Variants in SOX5 observed in about 807,000 individuals in gnomAD.
SOX5 encodes the protein transcription factor SOX-5.
In SOX5, 9 loss-of-function variants were observed where a neutral mutation model predicts 92.0. The ratio of observed to expected loss-of-function variants is 0.10; its 90% CI spans 0.06 to 0.17. SOX5 has a LOEUF of 0.17. Ranked by LOEUF, SOX5 falls within the 10% of genes least tolerant of loss-of-function variation. The pLI is 1.00. For missense variants in SOX5, 642 were observed against 944.5 expected (o/e 0.68, Z 4.20); for synonymous variants, 344 against 336.3 (o/e 1.02, Z -0.25).
chr12:23,857,727 TTTTC>T (rs1374370582), intron 2 of SOX5, among the ~76,000 whole-genome samples: 1 of 150,456 alleles, frequency 6.6e-6, no homozygotes. Flanking sequence ...TTAGGAAGTT[TTTTC>T]TTTCTTTTTT....
intron 2 of SOX5, among the ~76,000 whole-genome samples, chr12:23,870,329 A>G (rs991460750): frequency 8.5e-5 from 13 of 152,126 alleles, no homozygotes; most frequent in Admixed American, 5.2e-4. Flanking sequence ...ATTCAACTAG[A>G]ACATTATAGG....
At chr12:23,917,959 T>C (rs1375474572) in intron 1 of SOX5, among the ~76,000 whole-genome samples, 1 of 152,172 alleles carries the variant, frequency 6.6e-6, no homozygotes, top group African/African-American at 2.4e-5. Context: ...TAATTCTTCA[T>C]GATATGGTAA....
chr12:24,338,318 A>T (rs1348876321), intron 2 of SOX5, among the ~76,000 whole-genome samples: 2 of 152,018 alleles, frequency 1.3e-5, no homozygotes, highest in Non-Finnish European at 2.9e-5. Context: ...ACGATGTGTT[A>T]AAAATGCTAA....
At chr12:23,825,520 G>T (rs1568095339) in intron 3 of SOX5, among the ~76,000 whole-genome samples, 1 of 152,146 alleles carries the variant, frequency 6.6e-6, no homozygotes, top group Non-Finnish European at 1.5e-5. Context: ...TTCCTATTCG[G>T]CCATCTTGCC....
intron 4 of SOX5, among the ~76,000 whole-genome samples, chr12:24,127,018 C>T (rs1239234793): frequency 2.0e-5 from 3 of 151,972 alleles, no homozygotes; most frequent in Admixed American, 6.6e-5. Flanking sequence ...ATAATTAGTA[C>T]ATACTACAAA....
intron 4 of SOX5, among the ~76,000 whole-genome samples, chr12:24,109,715 A>G (rs1353984726): frequency 6.6e-6 from 1 of 152,254 alleles, no homozygotes; most frequent in Non-Finnish European, 1.5e-5. Context: ...AATTAGTTTT[A>G]AACAACAACA....
intron 4 of SOX5, among the ~76,000 whole-genome samples, chr12:24,118,040 A>AAG (rs1948235499): frequency 7.7e-6 from 1 of 129,982 alleles, no homozygotes; most frequent in African/African-American, 3.0e-5. Flanking sequence ...AAAAAAAAAG[A>AAG]AAAAAAAAAT....
intron 6 of SOX5, among the ~76,000 whole-genome samples, chr12:23,723,713 G>T (rs1320270534): frequency 6.6e-6 from 1 of 151,538 alleles, no homozygotes; most frequent in Non-Finnish European, 1.5e-5. Context: ...ATGTATGTAT[G>T]AATACACATA....
At chr12:23,689,093 C>G (rs905857426) in intron 6 of SOX5, among the ~76,000 whole-genome samples, 1 of 152,060 alleles carries the variant, frequency 6.6e-6, no homozygotes, top group African/African-American at 2.4e-5. Context: ...ACATATCTAA[C>G]GGTCACTACT....
intron 3 of SOX5, among the ~76,000 whole-genome samples, chr12:23,783,899 A>T (rs1169674271): frequency 6.6e-6 from 1 of 152,172 alleles, no homozygotes; most frequent in East Asian, 1.9e-4. Flanking sequence ...CTGGCAATAA[A>T]CAAGTTGGGC....
At chr12:24,145,182 A>G (rs1453021483) in intron 4 of SOX5, among the ~76,000 whole-genome samples, 1 of 152,206 alleles carries the variant, frequency 6.6e-6, no homozygotes, top group African/African-American at 2.4e-5. Context: ...AAGCAATGCT[A>G]TGACAACAAA....
At chr12:24,041,551 A>C (rs1054542489) in intron 4 of SOX5, among the ~76,000 whole-genome samples, 1 of 152,196 alleles carries the variant, frequency 6.6e-6, no homozygotes, top group Non-Finnish European at 1.5e-5. Context: ...TAAAGTCCTT[A>C]AACCGCTTAC....
chr12:23,875,163 G>A (rs1410877292), intron 2 of SOX5, among the ~76,000 whole-genome samples: 1 of 152,146 alleles, frequency 6.6e-6, no homozygotes, highest in Non-Finnish European at 1.5e-5. Context: ...CTCTGTGGAA[G>A]TAAAACTAAT....
intron 4 of SOX5, among the ~76,000 whole-genome samples, chr12:23,973,964 T>C (rs1315420374): frequency 6.6e-6 from 1 of 152,110 alleles, no homozygotes; most frequent in Non-Finnish European, 1.5e-5. Flanking sequence ...GAATAAAAAA[T>C]TGTCTTCCAC....
At chr12:24,033,489 A>G (rs1027379451) in intron 4 of SOX5, among the ~76,000 whole-genome samples, 43 of 152,004 alleles carry the variant, frequency 2.8e-4, no homozygotes, top group African/African-American at 9.7e-4. Flanking sequence ...CAGTTCCACA[A>G]TGCTATTTTT....
chr12:23,711,922 C>A (rs534903120), intron 6 of SOX5, among the ~76,000 whole-genome samples: 1 of 152,104 alleles, frequency 6.6e-6, no homozygotes, highest in African/African-American at 2.4e-5. Context: ...AGCTGGGCAC[C>A]ATCTTGGTGC....
intron 8 of SOX5, among the ~76,000 whole-genome samples, chr12:23,624,116 C>A (rs1400411901): frequency 6.6e-6 from 1 of 151,892 alleles, no homozygotes; most frequent in African/African-American, 2.4e-5. Context: ...GATTAAGTAA[C>A]AAGAGGTGCC....
At chr12:23,746,896 G>A (rs2094002731) in intron 4 of SOX5, among the ~76,000 whole-genome samples, 2 of 152,048 alleles carry the variant, frequency 1.3e-5, no homozygotes, top group African/African-American at 4.8e-5. Flanking sequence ...TCGTGATAGT[G>A]AATAATTCTC....
chr12:24,465,324 G>A (rs541316951), intron 1 of SOX5, among the ~76,000 whole-genome samples: 2 of 152,168 alleles, frequency 1.3e-5, no homozygotes, highest in Non-Finnish European at 2.9e-5. Context: ...CATTTACTGA[G>A]CGTTTATTAC....
Sources: gnomAD v4.1 joint callset for allele counts (sites outside exome capture counted in the v4.1 genomes callset) on GRCh38, gnomAD v4.1.1 for gene constraint, MANE v1.5 for transcripts, NCBI Gene and HGNC (gene_info 2026-07-23, HGNC 2026-07-21) for gene names.